The following POU5F1B variants were observed in gnomAD, a reference collection of about 807,000 sequenced individuals.
The protein encoded by POU5F1B is POU domain, class 5, transcription factor 1B.
POU5F1B carries 24 observed loss-of-function variants against 28.1 expected under a neutral mutation model. The ratio of observed to expected loss-of-function variants is 0.85; its 90% confidence interval spans 0.62 to 1.20. The LOEUF (loss-of-function observed/expected upper bound fraction) is 1.20, where lower values mean the gene tolerates loss of function less well. Among genes scored for constraint, POU5F1B ranks in the 50% most tolerant of loss-of-function variants. The pLI is 0.00. For synonymous variants in POU5F1B, 220 were observed against 193.2 expected (o/e 1.14, Z -1.15); for missense variants, 451 against 451.5 (o/e 1.00, Z 0.01).
chr8:127,415,904 C>T (rs1815124133), exon 3 of POU5F1B: 2 of 1,541,762 alleles, frequency 1.3e-6, no homozygotes, highest in Middle Eastern at 1.9e-4. Flanking sequence ...GCCTTCTCGC[C>T]CCCTCCAGGC....
In POU5F1B at chr8:127,414,571, A is replaced by G. The variant is rs1225577187; in HGVS notation, c.-559-317A>G. Among the ~76,000 whole-genome samples, 20 of 152,262 alleles carry G rather than the reference A, an allele frequency of 1.3e-4. 1 individual carries two copies. The highest frequency in any genetic ancestry group is 1.3e-3 in the Admixed American group (20 of 15,290). ...TTGAGAAACAAGGGTTAAGGACATT[A>G]AAAATTTACTCAATGTTTAAACATT... On this transcript the variant is annotated intron_variant, in intron 1 of 2. Transcript: ENST00000465342.
exon 3 of POU5F1B, chr8:127,416,220 C>G (rs766068588): frequency 1.2e-6 from 2 of 1,613,884 alleles, no homozygotes; most frequent in Admixed American, 1.7e-5. Context: ...GCACCGTCCC[C>G]CCTGGTGCCG....
At chr8:127,413,588 G>A (rs549929846) in intron 1 of POU5F1B, among the ~76,000 whole-genome samples, 11 of 152,166 alleles carry the variant, frequency 7.2e-5, no homozygotes, top group Admixed American at 2.0e-4. Flanking sequence ...ACGAGTAGAC[G>A]TTCAGGTCAC....
rs1335815501 is a variant in POU5F1B, at chr8:127,415,967, C to A, written c.101C>A (p.Thr34Asn). 3.2e-6 allele frequency: 5 copies of A among 1,577,392 alleles called. No individual in the cohort carries two copies. In the African/African-American group the frequency reaches 6.7e-5, roughly 21 times the overall value. ...GAGCCGGGCTGGGTTGATCCTCTGA[C>A]CTGGCTAAGCTTCCAAGGCCCTCCT... The change falls in exon 3 of 3, where the codon ACC becomes AAC. Residue 34 changes from threonine (T) to asparagine (N), a missense_variant. Around this residue, in one of 3 missense-constraint regions of POU5F1B, gnomAD observed 233 missense variants for 210.7 expected, o/e 1.11. Coordinates refer to ENST00000465342, the Ensembl canonical transcript of POU5F1B.
At chr8:127,417,137 A>G (rs1277108162) in exon 3 of POU5F1B, 1 of 732,978 alleles carries the variant, frequency 1.4e-6, no homozygotes, top group Non-Finnish European at 2.2e-6. Context: ...GATGCTCTTG[A>G]TTTTAATCCC....
chr8:127,415,965 G>T lies in POU5F1B; in HGVS notation c.99G>T (p.Leu33=), dbSNP rs756666124. The change falls in exon 3 of 3, where the codon CTG becomes CTT. Residue 33 remains leucine, a synonymous_variant. Transcript: ENST00000465342. Reference sequence around the variant, plus strand: ...CGGAGCCGGGCTGGGTTGATCCTCTGACCTGGCTAAGCTTCCAAGGCCCTC... The same window carrying T: ...CGGAGCCGGGCTGGGTTGATCCTCTTACCTGGCTAAGCTTCCAAGGCCCTC... 6 of 1,576,758 alleles carry T rather than the reference G, an allele frequency of 3.8e-6. No homozygotes were observed. The Admixed American group carries it at 1.1e-4, about 29-fold the overall frequency.
chr8:127,415,867 A>C, exon 3 of POU5F1B: 1 of 1,521,100 alleles, frequency 6.6e-7, no homozygotes, highest in Non-Finnish European at 8.8e-7. Context: ...TTCCTTCCCC[A>C]TGGCGGGACA....
intron 1 of POU5F1B, among the ~76,000 whole-genome samples, chr8:127,414,303 G>A (rs557319402): frequency 6.6e-6 from 1 of 152,324 alleles, no homozygotes; most frequent in South Asian, 2.1e-4. Flanking sequence ...TGGCAGCATG[G>A]CATGATGGAA....
At chr8:127,417,209 AAG>A in exon 3 of POU5F1B, 3 of 296,030 alleles carry the variant, frequency 1.0e-5, no homozygotes, top group East Asian at 5.1e-5. Flanking sequence ...AAAAAAAAAA[AAG>A]AAAGAAAAGA....
chr8:127,414,935 A>G (rs778824170), exon 2 of POU5F1B: 5 of 152,272 alleles, frequency 3.3e-5, no homozygotes, highest in Non-Finnish European at 5.9e-5. Flanking sequence ...AGGACACTCA[A>G]GCAGCTTTAT....
At chr8:127,415,945 C>T (rs767638780) in exon 3 of POU5F1B, 1 of 1,564,902 alleles carries the variant, frequency 6.4e-7, no homozygotes, top group Non-Finnish European at 8.7e-7. Flanking sequence ...GGGGGCGGAG[C>T]CGGGCTGGGT....
exon 3 of POU5F1B, chr8:127,416,377 C>T (rs1229049549): frequency 6.2e-7 from 1 of 1,609,776 alleles, no homozygotes; most frequent in Non-Finnish European, 8.5e-7. Context: ...GGGGCTCATC[C>T]TGGGGGTTCT....
rs1423522094 is a variant in POU5F1B at position 127,417,067 on chromosome 8, C to T, written c.*121C>T. ...CATTCACTAAGGAAGGAATTGGGAA[C>T]ACTAAGGGTGGGGGCAGGGGAGTTT... On this transcript the variant is annotated 3_prime_UTR_variant, in exon 3 of 3. Transcript: ENST00000465342. The T allele has an allele frequency of 5.7e-6, 8 of 1,402,384 alleles. No homozygotes were observed. The African/African-American group carries it at 1.0e-4, about 18-fold the overall frequency. 86.9% of individuals were successfully genotyped at this position (1,402,384 alleles called of 1,614,324 possible).
At chr8:127,414,437 C>T (rs903439706) in intron 1 of POU5F1B, among the ~76,000 whole-genome samples, 2 of 152,134 alleles carry the variant, frequency 1.3e-5, no homozygotes, top group Non-Finnish European at 2.9e-5. Flanking sequence ...CAGAAAGGAG[C>T]CCACTGCTTA....
chr8:127,416,222 C>G, exon 3 of POU5F1B: 8 of 1,613,878 alleles, frequency 5.0e-6, no homozygotes, highest in Non-Finnish European at 6.8e-6. Flanking sequence ...ACCGTCCCCC[C>G]TGGTGCCGTG....
chr8:127,416,806 G>A (rs1480042132), exon 3 of POU5F1B: 1 of 1,605,144 alleles, frequency 6.2e-7, no homozygotes, highest in South Asian at 1.1e-5. Context: ...CTTTCCTCCG[G>A]CCCCAGGGCC....
At position 127,416,383 on chromosome 8, in the gene POU5F1B, G is replaced by C. The variant is rs780149602; in HGVS notation, c.517G>C (p.Val173Leu). ...GGCCGATGTGGGGCTCATCCTGGGG[G>C]TTCTATTTGGGAAGGTGTTCAGCCA... Residue 173 changes from valine (V) to leucine (L), a missense_variant, in exon 3 of 3, where the codon GTT becomes CTT. This residue lies in a region of POU5F1B where 5 missense variants were observed against 20.3 expected (regional missense o/e 0.25). Coordinates refer to ENST00000465342, the Ensembl canonical transcript of POU5F1B. 4 of 1,609,082 alleles carry C rather than the reference G, an allele frequency of 2.5e-6. No homozygotes were observed. The highest frequency in any genetic ancestry group is 2.7e-5 in the African/African-American group (2 of 74,918).
At chr8:127,413,746 C>CTAT (rs1312380914) in intron 1 of POU5F1B, among the ~76,000 whole-genome samples, 6 of 152,184 alleles carry the variant, frequency 3.9e-5, no homozygotes, top group Non-Finnish European at 8.8e-5. Flanking sequence ...TATTAACCTT[C>CTAT]TATTTCACTT....
rs1444997349 is a variant in POU5F1B at position 127,415,538 on chromosome 8, C to A, written c.-329C>A. The A allele has an allele frequency of 1.7e-5, 5 of 293,654 alleles. No individual in the cohort carries two copies. The Admixed American group carries it at 2.4e-4, about 14-fold the overall frequency. The allele number at this position is 293,654 out of a possible 1,614,324, so 18.2% of individuals were successfully genotyped here. ...ATCTAGCATCATGGTATGGCAGAAG[C>A]AGAATGGACTCAGGAATCATGGTGC... On this transcript the variant is annotated 5_prime_UTR_variant, in exon 3 of 3. Transcript: ENST00000465342.
Sources: allele counts gnomAD v4.1 joint callset (sites outside exome capture counted in the v4.1 genomes callset), GRCh38; gene constraint gnomAD v4.1.1; regional missense constraint gnomAD v4.1.1; transcripts MANE v1.5; gene names NCBI Gene and HGNC (gene_info 2026-07-23, HGNC 2026-07-21).